The following SUPT3H variants were observed in gnomAD, a reference collection of about 807,000 sequenced individuals.
The protein encoded by SUPT3H is transcription initiation protein SPT3 homolog.
Under a neutral mutation model 44.3 loss-of-function variants are expected in SUPT3H, and 44 were observed. That is an observed-to-expected ratio of 0.99 (90% CI 0.78 to 1.28). The LOEUF is 1.28. Among genes scored for constraint, SUPT3H ranks in the 50% most tolerant of loss-of-function variants. The pLI is 0.00. For synonymous variants in SUPT3H, 124 were observed against 125.6 expected (o/e 0.99, Z 0.09); for missense variants, 380 against 387.1 (o/e 0.98, Z 0.15).
At chr6:45,166,057 C>T (rs1015807268) in intron 2 of SUPT3H, among the ~76,000 whole-genome samples, 2 of 152,136 alleles carry the variant, frequency 1.3e-5, no homozygotes, top group Non-Finnish European at 2.9e-5. Flanking sequence ...CTTTGGGAAG[C>T]CAAGGCAGGA....
chr6:45,279,596 C>T (rs368752262), intron 2 of SUPT3H, among the ~76,000 whole-genome samples: 1 of 152,188 alleles, frequency 6.6e-6, no homozygotes, highest in South Asian at 2.1e-4. Flanking sequence ...TTGCCTTCCA[C>T]CACGACTGTA....
At chr6:45,012,278 ACT>A (rs1783597593) in intron 5 of SUPT3H, among the ~76,000 whole-genome samples, 1 of 151,138 alleles carries the variant, frequency 6.6e-6, no homozygotes, top group Non-Finnish European at 1.5e-5. Flanking sequence ...ATCTTCTGAT[ACT>A]CTCATTATGT....
chr6:45,118,490 A>C, intron 2 of SUPT3H, among the ~76,000 whole-genome samples: 1 of 152,156 alleles, frequency 6.6e-6, no homozygotes, highest in Non-Finnish European at 1.5e-5. Context: ...AAAGTCTTTG[A>C]CATCTGGCTT....
At chr6:45,273,777 T>C (rs1359922433) in intron 2 of SUPT3H, among the ~76,000 whole-genome samples, 1 of 152,198 alleles carries the variant, frequency 6.6e-6, no homozygotes, top group Non-Finnish European at 1.5e-5. Context: ...ACAAACATCA[T>C]GTACAAATTT....
At chr6:45,306,754 G>A (rs1014103253) in intron 2 of SUPT3H, among the ~76,000 whole-genome samples, 2 of 152,166 alleles carry the variant, frequency 1.3e-5, no homozygotes, top group African/African-American at 4.8e-5. Flanking sequence ...TGAGGTACCG[G>A]GTTCATCTCA....
rs1451573162 is a variant in SUPT3H, at chr6:45,158,294, ATATATTTTTTT to A, written c.102-52299_102-52289del. 1.6e-4 allele frequency among the ~76,000 whole-genome samples: 5 copies of A among 30,520 alleles called. 1 individual carries two copies. Among genetic ancestry groups the A allele is most frequent in the Non-Finnish European group, 3.1e-4 (5 of 16,232 alleles). The allele number at this position is 30,520 out of a possible 152,430, so 20.0% of individuals were successfully genotyped here. On this transcript the variant is annotated intron_variant, in intron 2 of 10. Coordinates refer to ENST00000371459, the MANE Select transcript of SUPT3H (RefSeq NM_003599.4). ...AATATACATATATATATATATATAT[ATATATTTTTTT>A]TTTTTTTTTTTTGAGATGGAGTCTC...
At chr6:44,884,971 C>A (rs1778903740) in intron 10 of SUPT3H, among the ~76,000 whole-genome samples, 1 of 152,196 alleles carries the variant, frequency 6.6e-6, no homozygotes, top group Non-Finnish European at 1.5e-5. Context: ...ATATCCTGCA[C>A]CTGGCTCGGA....
At chr6:45,367,395 G>C (rs1046334002) in intron 1 of SUPT3H, among the ~76,000 whole-genome samples, 13 of 151,708 alleles carry the variant, frequency 8.6e-5, no homozygotes, top group African/African-American at 3.1e-4. Flanking sequence ...AAAGACTTTT[G>C]GAATAAGTAC....
intron 2 of SUPT3H, among the ~76,000 whole-genome samples, chr6:45,115,770 C>T (rs531546284): frequency 2.0e-5 from 3 of 152,206 alleles, no homozygotes; most frequent in South Asian, 2.1e-4. Flanking sequence ...TTACATTCAA[C>T]GAATATTTAT....
At position 45,298,300 on chromosome 6, in the gene SUPT3H, A is replaced by G. The variant is rs556071852; in HGVS notation, c.101+66901T>C. Among the ~76,000 whole-genome samples the G allele has an allele frequency of 2.0e-5, 3 of 152,364 alleles. No homozygotes were observed. The East Asian group carries it at 5.8e-4, about 29-fold the overall frequency. ...TTCTACATTTTAGCAATGTGCATGA[A>G]TAAGTTTTAGAATCAGGAAAAACTA... On this transcript the variant is annotated intron_variant, in intron 2 of 10. Coordinates refer to ENST00000371459, the MANE Select transcript of SUPT3H (RefSeq NM_003599.4).
At chr6:45,255,994 AC>A (rs1773319630) in intron 2 of SUPT3H, among the ~76,000 whole-genome samples, 1 of 151,934 alleles carries the variant, frequency 6.6e-6, no homozygotes, top group African/African-American at 2.4e-5. Context: ...ACACGGTGAA[AC>A]CCCGTCTCTA....
At chr6:45,140,344 G>C (rs958589444) in intron 2 of SUPT3H, among the ~76,000 whole-genome samples, 1 of 152,070 alleles carries the variant, frequency 6.6e-6, no homozygotes, top group Admixed American at 6.6e-5. Context: ...CCCATCACCT[G>C]AGAAGCCAGA....
At chr6:45,335,989 G>T (rs958198183) in intron 2 of SUPT3H, among the ~76,000 whole-genome samples, 63 of 151,190 alleles carry the variant, frequency 4.2e-4, no homozygotes, top group African/African-American at 1.5e-3. Context: ...GTGCTACAGT[G>T]TATTTCTAAA....
At chr6:45,257,052 C>T (rs766586503) in intron 2 of SUPT3H, among the ~76,000 whole-genome samples, 1 of 152,190 alleles carries the variant, frequency 6.6e-6, no homozygotes, top group Non-Finnish European at 1.5e-5. Context: ...TACATTCTTA[C>T]TAGCAGTGTA....
intron 2 of SUPT3H, among the ~76,000 whole-genome samples, chr6:45,253,872 T>TATATATATATAC (rs1491408260): frequency 4.5e-4 from 56 of 124,084 alleles, no homozygotes; most frequent in African/African-American, 1.3e-3. Flanking sequence ...TATATATATA[T>TATATATATATAC]ACACACACAC....
intron 6 of SUPT3H, among the ~76,000 whole-genome samples, chr6:44,976,182 G>A (rs1317906302): frequency 2.0e-5 from 3 of 152,142 alleles, no homozygotes; most frequent in South Asian, 4.2e-4. Flanking sequence ...TTTTTTTCCT[G>A]AGAATGCCAA....
chr6:45,296,241 G>A (rs1453680813), intron 2 of SUPT3H, among the ~76,000 whole-genome samples: 16 of 140,250 alleles, frequency 1.1e-4, no homozygotes, highest in Admixed American at 9.2e-4. Context: ...CCATAAAAAC[G>A]AATGAACTAA....
At chr6:45,300,699 T>C (rs992365122) in intron 2 of SUPT3H, among the ~76,000 whole-genome samples, 1 of 152,148 alleles carries the variant, frequency 6.6e-6, no homozygotes, top group African/African-American at 2.4e-5. Context: ...ATTGGGAATA[T>C]ACTTAATGCC....
rs1230411695 is a variant in SUPT3H at position 45,064,405 on chromosome 6, T to C, written c.186+41517A>G. Among the ~76,000 whole-genome samples the C allele has an allele frequency of 6.6e-3, 859 of 129,660 alleles. 2 individuals carry two copies. The highest frequency in any genetic ancestry group is 0.023 in the African/African-American group (776 of 33,458). 85.1% of individuals were successfully genotyped at this position (129,660 alleles called of 152,430 possible). A position where few individuals can be genotyped will look rare whatever the true frequency, so the allele number is the denominator to read the frequency against. ...ACTAGGAAGAAACTGCATCAACTAA[T>C]GAGCAAAATCACCAGCTAACATCAT... On this transcript the variant is annotated intron_variant, in intron 3 of 10. Transcript: ENST00000371459.
Sources: allele counts gnomAD v4.1 joint callset (sites outside exome capture counted in the v4.1 genomes callset), GRCh38; gene constraint gnomAD v4.1.1; transcripts MANE v1.5; gene names NCBI Gene and HGNC (gene_info 2026-07-23, HGNC 2026-07-21).